Variants in CNTN4 observed in about 807,000 individuals in gnomAD.
The protein encoded by CNTN4 is contactin 4.
A neutral mutation model predicts 122.5 loss-of-function variants in CNTN4; 77 were observed. That is an observed-to-expected ratio of 0.63 (90% CI 0.52 to 0.76). The LOEUF (loss-of-function observed/expected upper bound fraction) is 0.76, where lower values mean the gene tolerates loss of function less well. Ranked by LOEUF, CNTN4 falls within the 30% of genes least tolerant of loss-of-function variation. The pLI is 0.00. For missense variants in CNTN4, 1,256 were observed against 1,259.1 expected (o/e 1.00, Z 0.04); for synonymous variants, 512 against 447.0 (o/e 1.15, Z -1.83).
chr3:2,553,023 G>A (rs1030861503), intron 3 of CNTN4, among the ~76,000 whole-genome samples: 2 of 152,124 alleles, frequency 1.3e-5, no homozygotes, highest in Non-Finnish European at 2.9e-5. Flanking sequence ...GGAAAACGAC[G>A]GTGTCTAGTT....
At chr3:2,854,899 T>C (rs1431724495) in intron 7 of CNTN4, among the ~76,000 whole-genome samples, 1 of 152,206 alleles carries the variant, frequency 6.6e-6, no homozygotes, top group Non-Finnish European at 1.5e-5. Context: ...TTTTCTTTCT[T>C]CACAGAAATT....
chr3:2,204,405 C>G (rs2038243748), intron 2 of CNTN4, among the ~76,000 whole-genome samples: 1 of 152,040 alleles, frequency 6.6e-6, no homozygotes, highest in African/African-American at 2.4e-5. Context: ...TCTTTTGATC[C>G]TAAAAGTAGC....
At chr3:2,531,312 G>A (rs536305826) in intron 3 of CNTN4, among the ~76,000 whole-genome samples, 5 of 152,240 alleles carry the variant, frequency 3.3e-5, no homozygotes, top group East Asian at 1.9e-4. Flanking sequence ...GCTTGGGCGG[G>A]TAGGCCTGGG....
In CNTN4 at chr3:2,559,231, A is replaced by G. The variant is rs376602406; in HGVS notation, c.-88-12185A>G. Among the ~76,000 whole-genome samples the G allele has an allele frequency of 2.0e-4, 31 of 152,276 alleles. No individual in the cohort carries two copies. In the East Asian group the frequency reaches 3.5e-3, roughly 17 times the overall value. ...TGGATCCATGTGCTGTAATTCTGTC[A>G]TATTAGTTTGTATCTGATAATGAAG... On this transcript the variant is annotated intron_variant, in intron 3 of 24. Coordinates refer to ENST00000418658, the MANE Select transcript of CNTN4 (RefSeq NM_175607.3).
At chr3:2,117,664 G>A (rs1290732499) in intron 2 of CNTN4, among the ~76,000 whole-genome samples, 2 of 152,138 alleles carry the variant, frequency 1.3e-5, no homozygotes, top group Non-Finnish European at 2.9e-5. Context: ...TTCCTTTGGA[G>A]GTCCCAAGGA....
chr3:2,259,399 T>C (rs1396336302), intron 2 of CNTN4, among the ~76,000 whole-genome samples: 1 of 152,160 alleles, frequency 6.6e-6, no homozygotes, highest in African/African-American at 2.4e-5. Flanking sequence ...AATCTCAGAG[T>C]TGCAAATGTT....
chr3:2,114,592 G>A (rs1177140349), intron 2 of CNTN4, among the ~76,000 whole-genome samples: 3 of 152,166 alleles, frequency 2.0e-5, no homozygotes, highest in Admixed American at 1.3e-4. Flanking sequence ...GGTGGCAATA[G>A]GGCCTTCATT....
intron 3 of CNTN4, among the ~76,000 whole-genome samples, chr3:2,399,396 T>G (rs1311673838): frequency 1.3e-5 from 2 of 152,040 alleles, no homozygotes; most frequent in Non-Finnish European, 2.9e-5. Flanking sequence ...TGAAGGTGTT[T>G]TTGTTTTTGT....
chr3:2,572,195 T>A (rs2079452795), intron 4 of CNTN4, among the ~76,000 whole-genome samples: 1 of 152,142 alleles, frequency 6.6e-6, no homozygotes, highest in African/African-American at 2.4e-5. Context: ...CAGACCAGCC[T>A]GAGTAACATG....
chr3:2,428,962 T>G (rs1316724678), intron 3 of CNTN4, among the ~76,000 whole-genome samples: 4 of 152,208 alleles, frequency 2.6e-5, no homozygotes, highest in Admixed American at 1.3e-4. Flanking sequence ...TTGATTCTAG[T>G]TAGCCATTCA....
chr3:2,882,366 GAAAAAA>G (rs950535560), intron 8 of CNTN4, among the ~76,000 whole-genome samples: 1 of 131,796 alleles, frequency 7.6e-6, no homozygotes, highest in Middle Eastern at 4.2e-3. Flanking sequence ...ACTTCGTCTC[GAAAAAA>G]AAAAAAAGAA....
intron 2 of CNTN4, among the ~76,000 whole-genome samples, chr3:2,276,181 A>AT (rs1205747149): frequency 5.6e-5 from 8 of 142,146 alleles, no homozygotes; most frequent in South Asian, 2.1e-4. Context: ...TATTTTTATT[A>AT]TTTTTTTTTG....
intron 3 of CNTN4, among the ~76,000 whole-genome samples, chr3:2,522,647 T>C (rs1214965652): frequency 6.6e-6 from 1 of 152,006 alleles, no homozygotes; most frequent in Non-Finnish European, 1.5e-5. Flanking sequence ...ACAGTGCTTC[T>C]TAAACATTAG....
intron 3 of CNTN4, among the ~76,000 whole-genome samples, chr3:2,522,768 A>G (rs1479552): frequency 0.44 from 65,990 of 151,626 alleles, 14,573 homozygotes; most frequent in Admixed American, 0.47. Flanking sequence ...ATAACACTTG[A>G]GTAATAAGGA....
At chr3:2,895,912 G>A (rs565690855) in intron 10 of CNTN4, among the ~76,000 whole-genome samples, 120 of 152,064 alleles carry the variant, frequency 7.9e-4, no homozygotes, top group East Asian at 3.3e-3. Context: ...GGGCGCCTGT[G>A]GTCCCAGCTA....
intron 2 of CNTN4, among the ~76,000 whole-genome samples, chr3:2,269,703 C>G (rs866674517): frequency 6.6e-6 from 1 of 151,940 alleles, no homozygotes; most frequent in Non-Finnish European, 1.5e-5. Flanking sequence ...GTGATGTAAT[C>G]GATTACATTA....
chr3:2,626,312 T>G (rs2082184062), intron 4 of CNTN4, among the ~76,000 whole-genome samples: 1 of 151,750 alleles, frequency 6.6e-6, no homozygotes, highest in Non-Finnish European at 1.5e-5. Flanking sequence ...GCTAACACGG[T>G]GAAACCCCAT....
At chr3:2,697,515 G>A (rs138292927) in intron 4 of CNTN4, among the ~76,000 whole-genome samples, 6 of 152,294 alleles carry the variant, frequency 3.9e-5, no homozygotes, top group African/African-American at 1.2e-4. Flanking sequence ...CAGAATGTCA[G>A]GTTGGGGTTG....
intron 2 of CNTN4, among the ~76,000 whole-genome samples, chr3:2,201,968 T>C (rs2038116191): frequency 6.6e-6 from 1 of 152,124 alleles, no homozygotes; most frequent in Non-Finnish European, 1.5e-5. Context: ...ACATATAAAA[T>C]AAAATATATT....
Sources: gnomAD v4.1 joint callset for allele counts (sites outside exome capture counted in the v4.1 genomes callset) on GRCh38, gnomAD v4.1.1 for gene constraint, MANE v1.5 for transcripts, NCBI Gene and HGNC (gene_info 2026-07-23, HGNC 2026-07-21) for gene names.